Variants in CEBPZ observed in about 807,000 individuals in gnomAD.
The protein encoded by CEBPZ is CCAAT enhancer binding protein zeta, also known as CCAAT/enhancer-binding protein zeta.
Under a neutral mutation model 104.5 loss-of-function variants are expected in CEBPZ, and 78 were observed. That is an observed-to-expected ratio of 0.75 (90% CI 0.62 to 0.90). CEBPZ has a LOEUF of 0.90. Among genes scored for constraint, CEBPZ ranks in the 40% least tolerant of loss-of-function variants. The pLI is 0.00. For synonymous variants in CEBPZ, 470 were observed against 427.0 expected (o/e 1.10, Z -1.24); for missense variants, 1,439 against 1,233.5 (o/e 1.17, Z -2.50).
At chr2:37,209,549 C>A (rs1446656384) in intron 13 of CEBPZ, 2 of 152,174 alleles carry the variant, frequency 1.3e-5, no homozygotes, top group Non-Finnish European at 2.9e-5. Context: ...GGAAAGGACA[C>A]CCTATTGAAC....
At chr2:37,229,694 C>G (rs1664988937) in intron 1 of CEBPZ, among the ~76,000 whole-genome samples, 1 of 152,140 alleles carries the variant, frequency 6.6e-6, no homozygotes, top group Non-Finnish European at 1.5e-5. Context: ...GTTGGCCCAG[C>G]AGCTTCATTT....
chr2:37,223,490 CTTAG>C, intron 2 of CEBPZ, 89 bp from the exon 3 acceptor site: 3 of 1,102,346 alleles, frequency 2.7e-6, no homozygotes, highest in Non-Finnish European at 4.0e-6. Context: ...CTAACCTCAT[CTTAG>C]TTAGGGATAA....
rs771009617 is a variant in CEBPZ, at chr2:37,211,867, C to T, written c.2776G>A (p.Asp926Asn). 2 of 1,605,606 alleles carry T rather than the reference C, an allele frequency of 1.2e-6. No homozygotes were observed. The highest frequency in any genetic ancestry group is 3.4e-5 in the Admixed American group (2 of 58,012). ...EDGGTFMDVL[D>N]DESESVPELE... ...CCTGGAACGCTCTCACTTTCATCAT[C>T]TAACACATCCATGAATGTTCCTCCA... Residue 926 changes from aspartate to asparagine, a missense_variant, in exon 12 of 16, where the codon GAT (aspartate) becomes AAT (asparagine). Asp to Asn is a conservative substitution (Grantham distance 23). Transcript: ENST00000234170.
Position 37,222,485 on chromosome 2 carries a change from T to C in CEBPZ, c.1960A>G (p.Thr654Ala), listed in dbSNP as rs963202517. The C allele has an allele frequency of 6.8e-6, 11 of 1,611,446 alleles. No individual in the cohort carries two copies. The highest frequency in any genetic ancestry group is 9.3e-6 in the Non-Finnish European group (11 of 1,179,304). The change falls in exon 4 of 16, where the codon ACA becomes GCA. Residue 654 changes from threonine to alanine, a missense_variant. Transcript: ENST00000234170. ...GTCTCAAGTTTTTTCACTATCTCTG[T>C]TTCTTTGTCTGCATCAGTGAATTTT... ...MEKFTDADKE[T>A]EIVKKLETEE...
intron 13 of CEBPZ, among the ~76,000 whole-genome samples, chr2:37,205,426 C>G (rs2148337918): frequency 6.6e-6 from 1 of 152,274 alleles, no homozygotes; most frequent in South Asian, 2.1e-4. Context: ...CTACTGAGCA[C>G]CTTGTGACCC....
chr2:37,220,894 G>T (rs1193285036), intron 4 of CEBPZ, among the ~76,000 whole-genome samples: 2 of 152,196 alleles, frequency 1.3e-5, no homozygotes, highest in African/African-American at 4.8e-5. Flanking sequence ...CTATTCGGGA[G>T]ACTGAGGTGG....
At chr2:37,225,096 C>T (rs187829092) in intron 2 of CEBPZ, among the ~76,000 whole-genome samples, 172 of 152,156 alleles carry the variant, frequency 1.1e-3, no homozygotes, top group Non-Finnish European at 1.1e-3. Flanking sequence ...CTCAAGATCC[C>T]GAAACCTCTA....
At chr2:37,205,150 A>G (rs1677489877) in intron 13 of CEBPZ, among the ~76,000 whole-genome samples, 1 of 152,230 alleles carries the variant, frequency 6.6e-6, no homozygotes, top group Non-Finnish European at 1.5e-5. Flanking sequence ...TGACAGCAGT[A>G]TTTGAAAGAG....
intron 2 of CEBPZ, among the ~76,000 whole-genome samples, chr2:37,224,933 TTAAA>T (rs755873528): frequency 9.9e-5 from 15 of 152,128 alleles, no homozygotes; most frequent in South Asian, 2.1e-4. Flanking sequence ...GACTATGATG[TTAAA>T]TAGAGACAGA....
chr2:37,208,310 G>A (rs60818940), intron 13 of CEBPZ, among the ~76,000 whole-genome samples: 8,029 of 151,866 alleles, frequency 0.053, 256 homozygotes, highest in African/African-American at 0.089. Context: ...AGCCAATATC[G>A]CCCTAATTCC....
At chr2:37,220,530 T>A in intron 4 of CEBPZ, 57 bp from the exon 5 acceptor site, 1 of 862,666 alleles carries the variant, frequency 1.2e-6, no homozygotes, top group South Asian at 1.7e-5. Flanking sequence ...GCCCAAGAGG[T>A]CATTAAAAGC....
chr2:37,215,492 C>A (rs773461741), intron 8 of CEBPZ: 1 of 152,322 alleles, frequency 6.6e-6, no homozygotes, highest in Admixed American at 6.5e-5. Context: ...GGAGATTTGG[C>A]TTTTAATTCT....
chr2:37,228,050 C>T lies in CEBPZ; in HGVS notation c.1143G>A (p.Lys381=). ...ELLCNKPEEE[K]ALLVQVVNKL... The stretch of plus-strand genomic sequence containing the variant: ...TATTTACCACTTGCACAAGAAGAGC[C>T]TTTTCTTCCTCAGGCTTGTTACAAA... The change falls in exon 2 of 16, where the codon AAG becomes AAA. Residue 381 remains lysine (K), a synonymous_variant. Coordinates refer to ENST00000234170, the MANE Select transcript of CEBPZ (RefSeq NM_005760.3). 6.2e-7 allele frequency: 1 copy of T among 1,614,130 alleles called. No homozygotes were observed. Among genetic ancestry groups the T allele is most frequent in the Non-Finnish European group, 8.5e-7 (1 of 1,180,026 alleles).
chr2:37,227,507 T>G, intron 2 of CEBPZ, 37 bp downstream of exon 2: 16 of 1,546,614 alleles, frequency 1.0e-5, no homozygotes, highest in Non-Finnish European at 1.3e-5. Context: ...CATCAAGTTA[T>G]TATTTCATGT....
intron 13 of CEBPZ, among the ~76,000 whole-genome samples, chr2:37,207,238 G>A (rs1049888094): frequency 6.6e-6 from 1 of 152,124 alleles, no homozygotes; most frequent in Non-Finnish European, 1.5e-5. Flanking sequence ...AGCCCTAGAC[G>A]GGTCATCAAG....
Position 37,219,884 on chromosome 2 carries a change from T to C in CEBPZ, c.2154+501A>G, listed in dbSNP as rs183058194. Among the ~76,000 whole-genome samples, 588 of 152,358 alleles carry C rather than the reference T, an allele frequency of 3.9e-3. 3 individuals are homozygous for C. The highest frequency in any genetic ancestry group is 4.7e-3 in the Admixed American group (72 of 15,308). ...TAACCCATGCATGACATCCTTATTT[T>C]ACGTGCACACTTAAGATTTTCTACA... On this transcript the variant is annotated intron_variant, in intron 5 of 15. Coordinates refer to ENST00000234170, the MANE Select transcript of CEBPZ (RefSeq NM_005760.3).
Position 37,228,056 on chromosome 2 carries a change from T to C in CEBPZ, c.1137A>G (p.Glu379=). ...AHELLCNKPE[E]EKALLVQVVN... ...CCACTTGCACAAGAAGAGCCTTTTC[T>C]TCCTCAGGCTTGTTACAAAGCAGCT... is the stretch of plus-strand genomic sequence containing the variant. The change falls in exon 2 of 16, where the codon GAA becomes GAG. Residue 379 remains glutamate, a synonymous_variant. Coordinates refer to ENST00000234170, the MANE Select transcript of CEBPZ (RefSeq NM_005760.3). 6.2e-7 allele frequency: 1 copy of C among 1,614,172 alleles called. No homozygotes were observed. The highest frequency in any genetic ancestry group is 8.5e-7 in the Non-Finnish European group (1 of 1,180,024).
chr2:37,213,633 C>T (rs1438242442), intron 10 of CEBPZ: 15 of 381,834 alleles, frequency 3.9e-5, no homozygotes, highest in South Asian at 1.1e-4. Flanking sequence ...AGGCTGGTCT[C>T]GAACTCCTGA....
intron 1 of CEBPZ, among the ~76,000 whole-genome samples, chr2:37,229,784 C>T (rs902867709): frequency 2.0e-5 from 3 of 152,184 alleles, no homozygotes; most frequent in African/African-American, 7.2e-5. Flanking sequence ...CATGGCTGAA[C>T]TGCAGCCTCA....
Sources: gnomAD v4.1 joint callset for allele counts (sites outside exome capture counted in the v4.1 genomes callset) on GRCh38, gnomAD v4.1.1 for gene constraint, MANE v1.5 for transcripts, NCBI Gene and HGNC (gene_info 2026-07-23, HGNC 2026-07-21) for gene names.